The following CLDN25 variants were observed in gnomAD, a reference collection of about 807,000 sequenced individuals.
CLDN25 encodes the protein claudin 25.
For synonymous variants in CLDN25, 117 were observed against 112.7 expected (o/e 1.04, Z -0.24); for missense variants, 286 against 279.7 (o/e 1.02, Z -0.16).
exon 1 of CLDN25, chr11:113,780,268 C>G: frequency 6.2e-7 from 1 of 1,613,876 alleles, no homozygotes; most frequent in Non-Finnish European, 8.5e-7. Context: ...GACATCATAC[C>G]TCGGTGGGAG....
chr11:113,780,217 C>T, exon 1 of CLDN25: 1 of 1,613,928 alleles, frequency 6.2e-7, no homozygotes, highest in African/African-American at 1.3e-5. Context: ...TCCTGGGTGG[C>T]CCATGCCACA....
In CLDN25 at chr11:113,779,908, T is replaced by G. The variant is rs774895409; in HGVS notation, c.113T>G (p.Leu38Arg). The G allele has an allele frequency of 5.0e-6, 8 of 1,613,740 alleles. No individual in the cohort carries two copies. The African/African-American group carries it at 1.1e-4, about 22-fold the overall frequency. The change falls in exon 1 of 1, where the codon CTG becomes CGG. Residue 38 changes from leucine (L) to arginine (R), a missense_variant. Physicochemically the swap from Leu to Arg is moderately radical, Grantham distance 102. Transcript: ENST00000453129. ...CTGCCCCAGTGGAAGACTCTTAATC[T>G]GGAACTGAACGAGATGGAGACCTGG...
chr11:113,780,333 G>A lies in CLDN25; in HGVS notation c.538G>A (p.Gly180Arg), dbSNP rs750188759. 76 of 1,613,634 alleles carry A rather than the reference G, an allele frequency of 4.7e-5. No individual in the cohort carries two copies. The South Asian group carries it at 7.9e-4, about 17-fold the overall frequency. ...TGCTGGTATTTTCCTGGCTCTTGGTGGGCTACTCCTCATCTTCTCGGCCTG... is the reference window on the plus strand; with the variant it reads ...TGCTGGTATTTTCCTGGCTCTTGGTAGGCTACTCCTCATCTTCTCGGCCTG... Residue 180 changes from glycine to arginine, a missense_variant, in exon 1 of 1, where the codon GGG (glycine) becomes AGG (arginine). Gly to Arg is a moderately radical substitution (Grantham distance 125, BLOSUM62 -2). Transcript: ENST00000453129.
At chr11:113,780,006 T>C (rs750060970) in exon 1 of CLDN25, 1 of 1,614,028 alleles carries the variant, frequency 6.2e-7, no homozygotes, top group South Asian at 1.1e-5. Context: ...TGAATCCTTC[T>C]TGTCTCTGCC....
exon 1 of CLDN25, chr11:113,779,891 G>T: frequency 1.9e-6 from 3 of 1,614,024 alleles, no homozygotes; most frequent in Middle Eastern, 1.7e-4. Context: ...TCCTGCCCCA[G>T]TGGAAGACTC....
chr11:113,780,269 T>A (rs755539012), exon 1 of CLDN25: 1 of 1,613,824 alleles, frequency 6.2e-7, no homozygotes, highest in Admixed American at 1.7e-5. Context: ...ACATCATACC[T>A]CGGTGGGAGT....
Position 113,780,018 on chromosome 11 carries a change from C to T in CLDN25, c.223C>T (p.Gln75Ter), listed in dbSNP as rs1320645208. The change falls in exon 1 of 1, where the codon CAG becomes TAG. Residue 75 changes from glutamine to a stop codon, truncating the protein, a stop_gained. Transcript: ENST00000453129. LOFTEE classifies it low-confidence loss of function (END_TRUNC). ...CTTTGAATCCTTCTTGTCTCTGCCC[C>T]AGGAGCTCCAGGTAGCCCGCATCCT... is the stretch of plus-strand genomic sequence containing the variant. The T allele has an allele frequency of 6.2e-7, 1 of 1,613,896 alleles. No individual in the cohort carries two copies. The highest frequency in any genetic ancestry group is 1.3e-5 in the African/African-American group (1 of 74,934).
At chr11:113,780,442 G>A (rs1263766310) in exon 1 of CLDN25, 1 of 1,613,672 alleles carries the variant, frequency 6.2e-7, no homozygotes, top group Admixed American at 1.7e-5. Context: ...GAGTCAGATG[G>A]CTCCTTCCAC....
exon 1 of CLDN25, chr11:113,780,194 C>T (rs1457807681): frequency 2.5e-6 from 4 of 1,613,860 alleles, no homozygotes; most frequent in African/African-American, 1.3e-5. Flanking sequence ...CAGCCACTAC[C>T]CTCCTTCCAG....
At position 113,779,961 on chromosome 11, in the gene CLDN25, G is replaced by C. The variant is rs1380706855; in HGVS notation, c.166G>C (p.Asp56His). 1.9e-6 allele frequency: 3 copies of C among 1,613,748 alleles called. No individual in the cohort carries two copies. The African/African-American group carries it at 4.0e-5, about 22-fold the overall frequency. The change falls in exon 1 of 1, where the codon GAT (aspartate) becomes CAT (histidine). Residue 56 changes from aspartate to histidine, a missense_variant. By Grantham distance (81) the Asp-to-His change is moderately conservative. Coordinates refer to ENST00000453129, the Ensembl canonical transcript of CLDN25. ...CATGGGGATTTGGGAGGTCTGCGTG[G>C]ATCGAGAGGAAGTCGCCACTGTGTG...
At position 113,780,047 on chromosome 11, in the gene CLDN25, G is replaced by GC. The variant is rs1937801027; in HGVS notation, c.252_253insC (p.Val85ArgfsTer19). The GC allele has an allele frequency of 6.2e-7, 1 of 1,613,932 alleles. No individual in the cohort carries two copies. Among genetic ancestry groups the GC allele is most frequent in the Non-Finnish European group, 8.5e-7 (1 of 1,179,902 alleles). ...AGCTCCAGGTAGCCCGCATCCTCATGGTAGCCTCCCATGGGCTGGGCCTAT... is the reference window on the plus strand; with the variant it reads ...AGCTCCAGGTAGCCCGCATCCTCATGCGTAGCCTCCCATGGGCTGGGCCTAT... On this transcript the variant is annotated frameshift_variant, in exon 1 of 1. Transcript: ENST00000453129. LOFTEE classifies it low-confidence loss of function (END_TRUNC).
chr11:113,780,062 G>A (rs757357516), exon 1 of CLDN25: 1 of 1,614,070 alleles, frequency 6.2e-7, no homozygotes, highest in Non-Finnish European at 8.5e-7. Flanking sequence ...CCTCCCATGG[G>A]CTGGGCCTAT....
At chr11:113,780,008 G>C in exon 1 of CLDN25, 1 of 1,614,042 alleles carries the variant, frequency 6.2e-7, no homozygotes, top group Non-Finnish European at 8.5e-7. Flanking sequence ...AATCCTTCTT[G>C]TCTCTGCCCC....
exon 1 of CLDN25, chr11:113,780,271 G>A (rs192382861): frequency 1.1e-5 from 17 of 1,613,778 alleles, no homozygotes; most frequent in Admixed American, 3.3e-5. Flanking sequence ...ATCATACCTC[G>A]GTGGGAGTTT....
chr11:113,780,377 G>A lies in CLDN25; in HGVS notation c.582G>A (p.Val194=), dbSNP rs898141320. 9 of 1,613,774 alleles carry A rather than the reference G, an allele frequency of 5.6e-6. No individual in the cohort carries two copies. The African/African-American group carries it at 8.0e-5, about 14-fold the overall frequency. ...CGGCCTGCCTGGGAAAAGAAGATGT[G>A]CCTTTTCCTTTGATGGCTGGTCCCA... The change falls in exon 1 of 1, where the codon GTG becomes GTA. Residue 194 remains valine (V), a synonymous_variant. Transcript: ENST00000453129.
chr11:113,780,064 T>C, exon 1 of CLDN25: 2 of 1,614,056 alleles, frequency 1.2e-6, no homozygotes, highest in Non-Finnish European at 1.7e-6. Context: ...TCCCATGGGC[T>C]GGGCCTATTG....
At chr11:113,780,098 G>A (rs761162254) in exon 1 of CLDN25, 2 of 1,614,030 alleles carry the variant, frequency 1.2e-6, no homozygotes, top group Non-Finnish European at 1.7e-6. Context: ...GCAGCTTTGG[G>A]TCTGAATGCT....
At chr11:113,779,957 C>T (rs779897572) in exon 1 of CLDN25, 6 of 1,613,958 alleles carry the variant, frequency 3.7e-6, no homozygotes, top group Non-Finnish European at 5.1e-6. Flanking sequence ...GGGAGGTCTG[C>T]GTGGATCGAG....
chr11:113,780,198 C>G, exon 1 of CLDN25: 1 of 1,613,958 alleles, frequency 6.2e-7, no homozygotes, highest in Non-Finnish European at 8.5e-7. Context: ...CACTACCCTC[C>G]TTCCAGTCTC....
Sources: allele counts gnomAD v4.1 joint callset, GRCh38; gene constraint gnomAD v4.1.1; transcripts MANE v1.5; gene names NCBI Gene and HGNC (gene_info 2026-07-23, HGNC 2026-07-21).